Variants in RLN2 observed in about 807,000 individuals in gnomAD.
RLN2 encodes the protein prorelaxin H2.
RLN2 carries 10 observed loss-of-function variants against 7.3 expected under a neutral mutation model. The ratio of observed to expected loss-of-function variants is 1.36; its 90% CI spans 0.84 to 2.31. RLN2 has a LOEUF of 2.31. Ranked by LOEUF, RLN2 falls within the 30% of genes most tolerant of loss-of-function variation. The pLI is 0.00. For synonymous variants in RLN2, 103 were observed against 82.3 expected (o/e 1.25, Z -1.36); for missense variants, 298 against 217.6 (o/e 1.37, Z -2.32).
At chr9:5,325,664 C>T in the RLN2 span, among the ~76,000 whole-genome samples, 2 of 152,012 alleles carry the variant, frequency 1.3e-5, no homozygotes, top group African/African-American at 4.8e-5. Flanking sequence ...AGATATACTA[C>T]TTATAAATAA....
upstream of RLN2, among the ~76,000 whole-genome samples, chr9:5,307,323 G>C (rs558406754): frequency 6.6e-6 from 1 of 151,308 alleles, no homozygotes; most frequent in Non-Finnish European, 1.5e-5. Context: ...TAGATAGATA[G>C]TGTGTGTATA....
chr9:5,323,612 A>C, the RLN2 span, among the ~76,000 whole-genome samples: 2 of 152,006 alleles, frequency 1.3e-5, no homozygotes, highest in African/African-American at 4.8e-5. Flanking sequence ...GTACACAGCA[A>C]CAAACTATTA....
chr9:5,313,206 A>C, the RLN2 span, among the ~76,000 whole-genome samples: 1 of 151,936 alleles, frequency 6.6e-6, no homozygotes, highest in East Asian at 1.9e-4. Context: ...ATTGCACTCT[A>C]TCTCTTCTGA....
the RLN2 span, among the ~76,000 whole-genome samples, chr9:5,333,085 T>C: frequency 2.0e-5 from 3 of 151,968 alleles, no homozygotes; most frequent in African/African-American, 7.3e-5. Flanking sequence ...TAAACTTCTA[T>C]CCTGGAAGCA....
the RLN2 span, among the ~76,000 whole-genome samples, chr9:5,321,683 G>A: frequency 6.7e-6 from 1 of 150,258 alleles, no homozygotes; most frequent in African/African-American, 2.5e-5. Context: ...GGGAGGGAGG[G>A]AAGAAGGAAG....
At chr9:5,305,374 C>CAG (rs1816224501), upstream of RLN2, among the ~76,000 whole-genome samples, 1 of 137,626 alleles carries the variant, frequency 7.3e-6, no homozygotes, top group South Asian at 2.4e-4. Flanking sequence ...CACACACACA[C>CAG]ACACACACAC....
the RLN2 span, among the ~76,000 whole-genome samples, chr9:5,317,994 A>ATGTG: frequency 4.6e-5 from 3 of 64,744 alleles, no homozygotes; most frequent in East Asian, 2.2e-3. Context: ...TAACAAAACT[A>ATGTG]TGTGTGTGTG....
chr9:5,312,068 G>C, the RLN2 span, among the ~76,000 whole-genome samples: 1 of 151,816 alleles, frequency 6.6e-6, no homozygotes, highest in East Asian at 1.9e-4. Context: ...TTGGGGGAAG[G>C]GGCATATGTC....
At chr9:5,329,821 A>T in the RLN2 span, among the ~76,000 whole-genome samples, 1 of 151,972 alleles carries the variant, frequency 6.6e-6, no homozygotes, top group South Asian at 2.1e-4. Flanking sequence ...GGAGACTTTA[A>T]CACCCCACTG....
the RLN2 span, among the ~76,000 whole-genome samples, chr9:5,322,426 G>T: frequency 2.9e-4 from 44 of 152,050 alleles, 1 homozygote; most frequent in African/African-American, 9.4e-4. Context: ...TAAAAACAAC[G>T]ACAAGCAATC....
chr9:5,304,553 G>C lies in RLN2; in HGVS notation c.28C>G (p.Leu10Val). Residue 10 changes from leucine (L) to valine (V), a missense_variant, in exon 1 of 2, where the codon CTA (leucine) becomes GTA (valine). Physicochemically the swap from Leu to Val is conservative, Grantham distance 32. Transcript: ENST00000381627. Reference sequence around the variant, plus strand: ...TGGTTCAGTAGTAAACAGACTCCTAGCAGGTGGAAAAAAAACAGGCGAGGC... The same window carrying C: ...TGGTTCAGTAGTAAACAGACTCCTACCAGGTGGAAAAAAAACAGGCGAGGC... MPRLFFFHL[L>V]GVCLLLNQFS... 1 of 1,613,824 alleles carries C rather than the reference G, an allele frequency of 6.2e-7. No homozygotes were observed. The highest frequency in any genetic ancestry group is 8.5e-7 in the Non-Finnish European group (1 of 1,179,892).
intron 1 of RLN2, among the ~76,000 whole-genome samples, chr9:5,300,914 G>A (rs1230676456): frequency 6.6e-6 from 1 of 152,128 alleles, no homozygotes; most frequent in Non-Finnish European, 1.5e-5. Context: ...AATATTTCAT[G>A]GTGGGAAGTT....
chr9:5,312,031 G>A, the RLN2 span, among the ~76,000 whole-genome samples: 1 of 151,904 alleles, frequency 6.6e-6, no homozygotes, highest in South Asian at 2.1e-4. Context: ...AAGCTATGTT[G>A]TTAGCACACA....
At chr9:5,313,456 T>C in the RLN2 span, among the ~76,000 whole-genome samples, 5 of 152,038 alleles carry the variant, frequency 3.3e-5, no homozygotes, top group Non-Finnish European at 7.4e-5. Context: ...TCTATGTGTA[T>C]TCTTAAAGGA....
At chr9:5,332,130 C>A in the RLN2 span, among the ~76,000 whole-genome samples, 1 of 151,806 alleles carries the variant, frequency 6.6e-6, no homozygotes, top group African/African-American at 2.4e-5. Flanking sequence ...AACTGATCTA[C>A]GTGTGTGGAA....
At chr9:5,329,934 C>T in the RLN2 span, among the ~76,000 whole-genome samples, 36 of 152,098 alleles carry the variant, frequency 2.4e-4, no homozygotes, top group East Asian at 3.5e-3. Context: ...CAAAATTCTA[C>T]ACCCCAAATC....
the RLN2 span, among the ~76,000 whole-genome samples, chr9:5,337,006 AAAC>A: frequency 6.6e-6 from 1 of 152,084 alleles, no homozygotes; most frequent in Non-Finnish European, 1.5e-5. Context: ...AAACAAAACA[AAAC>A]AAAACAAAAA....
chr9:5,325,968 C>T, the RLN2 span, among the ~76,000 whole-genome samples: 7 of 151,978 alleles, frequency 4.6e-5, no homozygotes, highest in Non-Finnish European at 1.0e-4. Context: ...CTTTAGTCAA[C>T]AGACACTTGT....
the RLN2 span, among the ~76,000 whole-genome samples, chr9:5,317,706 C>A: frequency 6.6e-6 from 1 of 151,678 alleles, no homozygotes; most frequent in East Asian, 1.9e-4. Flanking sequence ...AGGGAAAAGA[C>A]CAAAATTCTA....
Sources: gnomAD v4.1 joint callset for allele counts (sites outside exome capture counted in the v4.1 genomes callset) on GRCh38, gnomAD v4.1.1 for gene constraint, MANE v1.5 for transcripts, NCBI Gene and HGNC (gene_info 2026-07-23, HGNC 2026-07-21) for gene names.